CACNA2D1: variants seen among roughly 807,000 people sequenced by gnomAD.
CACNA2D1 encodes the protein voltage-dependent calcium channel subunit alpha-2/delta-1.
Under a neutral mutation model 171.5 loss-of-function variants are expected in CACNA2D1, and 53 were observed. That is an observed-to-expected ratio of 0.31 (90% CI 0.25 to 0.39). The LOEUF (loss-of-function observed/expected upper bound fraction) is 0.39, where lower values mean the gene tolerates loss of function less well. Ranked by LOEUF, CACNA2D1 falls within the 10% of genes least tolerant of loss-of-function variation. The pLI is 1.00. For missense variants in CACNA2D1, 903 were observed against 1,299.8 expected (o/e 0.69, Z 4.69); for synonymous variants, 442 against 443.1 (o/e 1.00, Z 0.03).
rs541092859 is a variant in CACNA2D1 at position 82,433,258 on chromosome 7, G to A, written c.95+10107C>T. Reference sequence around the variant, plus strand: ...TCTTTAAGATGATAATCTCTCCTAGGAAAGAAGTAAATGAAAAATAAAGAC... The same window carrying A: ...TCTTTAAGATGATAATCTCTCCTAGAAAAGAAGTAAATGAAAAATAAAGAC... On this transcript the variant is annotated intron_variant, in intron 1 of 38. Transcript: ENST00000356860. Among the ~76,000 whole-genome samples the A allele has an allele frequency of 5.9e-5, 9 of 152,168 alleles. No individual in the cohort carries two copies. In the South Asian group the frequency reaches 1.7e-3, roughly 28 times the overall value.
intron 3 of CACNA2D1, among the ~76,000 whole-genome samples, chr7:82,307,482 CTATA>C (rs1470521697): frequency 2.0e-5 from 3 of 150,122 alleles, no homozygotes; most frequent in African/African-American, 7.3e-5. Context: ...TTATAAATAA[CTATA>C]TAATTTATAA....
At chr7:82,300,738 T>TAATC (rs1812896774) in intron 3 of CACNA2D1, among the ~76,000 whole-genome samples, 1 of 152,092 alleles carries the variant, frequency 6.6e-6, no homozygotes, top group Admixed American at 6.5e-5. Context: ...AATTCAAATC[T>TAATC]AATCCACAAA....
chr7:82,202,781 G>T (rs1365252875), intron 3 of CACNA2D1, among the ~76,000 whole-genome samples: 5 of 152,124 alleles, frequency 3.3e-5, no homozygotes, highest in Non-Finnish European at 5.9e-5. Context: ...CTGATACAGA[G>T]GAGGCTGTTG....
At chr7:82,429,515 G>A (rs538087829) in intron 1 of CACNA2D1, among the ~76,000 whole-genome samples, 39 of 152,216 alleles carry the variant, frequency 2.6e-4, no homozygotes, top group African/African-American at 8.9e-4. Flanking sequence ...CCCAAAAGCG[G>A]TAGGACCAAA....
chr7:82,251,632 G>A (rs925984396), intron 3 of CACNA2D1, among the ~76,000 whole-genome samples: 10 of 152,032 alleles, frequency 6.6e-5, no homozygotes, highest in Non-Finnish European at 8.8e-5. Context: ...GCTTTTTTCC[G>A]TTGCTTTTCT....
chr7:82,240,770 C>T (rs1379381114), intron 3 of CACNA2D1, among the ~76,000 whole-genome samples: 1 of 152,032 alleles, frequency 6.6e-6, no homozygotes, highest in East Asian at 1.9e-4. Flanking sequence ...AGATCGAGAC[C>T]ATCCTGGCCA....
chr7:81,990,464 G>T (rs2130732676), intron 21 of CACNA2D1, among the ~76,000 whole-genome samples: 1 of 152,110 alleles, frequency 6.6e-6, no homozygotes, highest in South Asian at 2.1e-4. Flanking sequence ...TTATAGGAAT[G>T]AGAGGGATGT....
At chr7:81,967,318 A>G (rs1486041208) in intron 30 of CACNA2D1, 111 bp from the exon 31 acceptor site, 3 of 918,262 alleles carry the variant, frequency 3.3e-6, no homozygotes, top group Non-Finnish European at 5.2e-6. Context: ...TAGAAAAATA[A>G]GATTAAACAG....
chr7:82,040,906 C>T (rs553532969), intron 10 of CACNA2D1, among the ~76,000 whole-genome samples: 2 of 152,008 alleles, frequency 1.3e-5, no homozygotes, highest in East Asian at 3.9e-4. Flanking sequence ...ACCAGGGAGG[C>T]GGAGGTTGCA....
intron 2 of CACNA2D1, among the ~76,000 whole-genome samples, chr7:82,348,827 A>G (rs1426692871): frequency 6.6e-6 from 1 of 152,166 alleles, no homozygotes; most frequent in African/African-American, 2.4e-5. Context: ...AAATGAGAAT[A>G]TTTTCAAATG....
rs1043047489 is a variant in CACNA2D1 at position 82,346,961 on chromosome 7, A to G, written c.177+2607T>C. On this transcript the variant is annotated intron_variant, in intron 2 of 38. Transcript: ENST00000356860. ...GTTGTGTAACTTAGAACAAAATTTT[A>G]ACCTTCTCTCAATTATTTTACCCAT... Among the ~76,000 whole-genome samples, 35 of 152,312 alleles carry G rather than the reference A, an allele frequency of 2.3e-4. No individual in the cohort carries two copies. The Middle Eastern group carries it at 0.014, about 59-fold the overall frequency.
rs71093367 is a variant in CACNA2D1 at position 82,181,041 on chromosome 7, A to ATTTTTTTTTTTT, written c.295-10444_295-10433dup. 2.4e-3 allele frequency among the ~76,000 whole-genome samples: 34 copies of ATTTTTTTTTTTT among 13,960 alleles called. 12 individuals carry two copies. Among genetic ancestry groups the ATTTTTTTTTTTT allele is most frequent in the Non-Finnish European group, 3.9e-3 (26 of 6,626 alleles). 9.2% of individuals were successfully genotyped at this position (13,960 alleles called of 152,430 possible). ...GGTCAGCAGCTGTGGGGCATGTCGG[A>ATTTTTTTTTTTT]TTTTTTTTTTTTTTTTTTTTTTTTT... On this transcript the variant is annotated intron_variant, in intron 3 of 38. Coordinates refer to ENST00000356860, the MANE Select transcript of CACNA2D1 (RefSeq NM_000722.4).
At chr7:81,974,683 T>C in intron 24 of CACNA2D1, 131 bp from the exon 25 acceptor site, 1 of 599,184 alleles carries the variant, frequency 1.7e-6, no homozygotes, top group African/African-American at 1.9e-5. Flanking sequence ...TTCTTGTTAC[T>C]TCCATTTCCT....
intron 3 of CACNA2D1, among the ~76,000 whole-genome samples, chr7:82,178,790 T>C (rs1796813806): frequency 1.3e-5 from 2 of 152,134 alleles, no homozygotes; most frequent in East Asian, 3.9e-4. Flanking sequence ...TGGCCCATCA[T>C]GCTATACTCA....
intron 5 of CACNA2D1, among the ~76,000 whole-genome samples, chr7:82,132,985 G>A (rs1276100750): frequency 6.6e-6 from 1 of 152,124 alleles, no homozygotes; most frequent in Non-Finnish European, 1.5e-5. Flanking sequence ...ACTGAATGAT[G>A]TCACAAGGAT....
At chr7:82,344,827 A>G (rs1356848353) in intron 2 of CACNA2D1, among the ~76,000 whole-genome samples, 1 of 152,202 alleles carries the variant, frequency 6.6e-6, no homozygotes, top group Admixed American at 6.6e-5. Context: ...GCAACTCTGA[A>G]TAAAAGCAAA....
chr7:82,229,659 TC>T (rs1247523449), intron 3 of CACNA2D1, among the ~76,000 whole-genome samples: 1 of 151,880 alleles, frequency 6.6e-6, no homozygotes, highest in Non-Finnish European at 1.5e-5. Flanking sequence ...TCTCTGCCTT[TC>T]CCACACTTCT....
chr7:82,061,826 C>G (rs939033571), intron 9 of CACNA2D1, among the ~76,000 whole-genome samples: 1 of 152,122 alleles, frequency 6.6e-6, no homozygotes, highest in African/African-American at 2.4e-5. Context: ...GAAAATGGCC[C>G]TCTTGTGCTG....
intron 24 of CACNA2D1, among the ~76,000 whole-genome samples, chr7:81,980,271 T>C (rs929718754): frequency 1.3e-5 from 2 of 148,962 alleles, no homozygotes; most frequent in African/African-American, 5.0e-5. Flanking sequence ...AAACTTTCCC[T>C]GACAGGGCCA....
Sources: allele counts gnomAD v4.1 joint callset (sites outside exome capture counted in the v4.1 genomes callset), GRCh38; gene constraint gnomAD v4.1.1; transcripts MANE v1.5; gene names NCBI Gene and HGNC (gene_info 2026-07-23, HGNC 2026-07-21).